The following ERC2 variants were observed in gnomAD, a reference collection of about 807,000 sequenced individuals.
ERC2 encodes the protein ERC protein 2.
A neutral mutation model predicts 114.8 loss-of-function variants in ERC2; 42 were observed. The observed-to-expected ratio is 0.37, with a 90% CI of 0.29 to 0.47. The LOEUF (loss-of-function observed/expected upper bound fraction) is 0.47, where lower values mean the gene tolerates loss of function less well. ERC2 is among the 20% of genes least tolerant of loss of function. The probability of loss-of-function intolerance (pLI) is 0.99; values close to 1 mark genes in which losing one functional copy is unlikely to be tolerated. For synonymous variants in ERC2, 454 were observed against 425.5 expected (o/e 1.07, Z -0.82); for missense variants, 939 against 1,150.7 (o/e 0.82, Z 2.66).
At chr3:56,413,794 A>G (rs527942558) in intron 2 of ERC2, among the ~76,000 whole-genome samples, 32 of 152,366 alleles carry the variant, frequency 2.1e-4, no homozygotes, top group African/African-American at 7.7e-4. Context: ...AAGAATAACA[A>G]GAACATGAAA....
chr3:56,456,801 T>C (rs1410049319), intron 1 of ERC2, among the ~76,000 whole-genome samples: 2 of 152,192 alleles, frequency 1.3e-5, no homozygotes, highest in Non-Finnish European at 2.9e-5. Flanking sequence ...GTTGTACAAA[T>C]ATGGTGATGC....
At chr3:55,975,819 C>A (rs1369864138) in intron 12 of ERC2, among the ~76,000 whole-genome samples, 1 of 152,128 alleles carries the variant, frequency 6.6e-6, no homozygotes. Flanking sequence ...TCTGAGCATG[C>A]CTTCTATCTT....
chr3:56,150,709 T>C (rs1438134458), intron 4 of ERC2, among the ~76,000 whole-genome samples: 1 of 152,208 alleles, frequency 6.6e-6, no homozygotes, highest in African/African-American at 2.4e-5. Flanking sequence ...TTCATGTATA[T>C]TCTGCCAGTA....
At chr3:56,168,890 T>C (rs571141177) in intron 4 of ERC2, among the ~76,000 whole-genome samples, 7 of 152,284 alleles carry the variant, frequency 4.6e-5, no homozygotes, top group African/African-American at 1.7e-4. Context: ...CTTTCACCAA[T>C]AGTACCACTT....
chr3:56,313,898 A>G (rs1301479725), intron 2 of ERC2, among the ~76,000 whole-genome samples: 1 of 152,220 alleles, frequency 6.6e-6, no homozygotes. Flanking sequence ...AATATAAATG[A>G]TATGACAGTG....
chr3:56,141,679 T>G (rs1183134901), intron 5 of ERC2, among the ~76,000 whole-genome samples: 1 of 152,204 alleles, frequency 6.6e-6, no homozygotes, highest in Non-Finnish European at 1.5e-5. Flanking sequence ...TTACCAAACA[T>G]TTTTTTCTAT....
At chr3:55,631,077 T>A (rs2059737372) in intron 17 of ERC2, among the ~76,000 whole-genome samples, 1 of 152,132 alleles carries the variant, frequency 6.6e-6, no homozygotes, top group Admixed American at 6.5e-5. Context: ...CCCTAGTTTC[T>A]GTTAAGTAAG....
chr3:56,320,573 A>G (rs1173774411), intron 2 of ERC2, among the ~76,000 whole-genome samples: 1 of 152,200 alleles, frequency 6.6e-6, no homozygotes, highest in Admixed American at 6.5e-5. Flanking sequence ...GGCAAACACT[A>G]AAAAACAGGA....
intron 10 of ERC2, among the ~76,000 whole-genome samples, chr3:55,997,950 G>C: frequency 1.6e-5 from 1 of 62,748 alleles, no homozygotes; most frequent in Non-Finnish European, 3.0e-5. Context: ...TTTTTTGGTA[G>C]AGATGGGGTT....
At chr3:56,411,945 C>T (rs1559465829) in intron 2 of ERC2, among the ~76,000 whole-genome samples, 1 of 152,092 alleles carries the variant, frequency 6.6e-6, no homozygotes, top group Non-Finnish European at 1.5e-5. Flanking sequence ...GAATACTGGC[C>T]CCAAAAAGCA....
chr3:56,020,969 G>A (rs2073675522), intron 7 of ERC2, among the ~76,000 whole-genome samples: 1 of 152,102 alleles, frequency 6.6e-6, no homozygotes, highest in Non-Finnish European at 1.5e-5. Flanking sequence ...GAAGAAATAG[G>A]GATGGTGGAG....
intron 13 of ERC2, among the ~76,000 whole-genome samples, chr3:55,943,053 CCT>C (rs1342890960): frequency 1.3e-5 from 2 of 152,132 alleles, no homozygotes; most frequent in Non-Finnish European, 2.9e-5. Context: ...CAGGTGCCCC[CCT>C]GACTAACCTC....
intron 13 of ERC2, among the ~76,000 whole-genome samples, chr3:55,939,644 C>T (rs1340755407): frequency 6.6e-6 from 1 of 152,212 alleles, no homozygotes; most frequent in African/African-American, 2.4e-5. Flanking sequence ...TATCAACCCT[C>T]TTTTAGTCAA....
At chr3:55,564,260 C>A (rs2056223306) in intron 17 of ERC2, among the ~76,000 whole-genome samples, 1 of 152,088 alleles carries the variant, frequency 6.6e-6, no homozygotes, top group Non-Finnish European at 1.5e-5. Context: ...TGAACAAAGT[C>A]TAGAGGAAAT....
At chr3:56,334,836 ACT>A (rs2057780651) in intron 2 of ERC2, among the ~76,000 whole-genome samples, 1 of 152,046 alleles carries the variant, frequency 6.6e-6, no homozygotes, top group African/African-American at 2.4e-5. Context: ...ACAGAGTCTC[ACT>A]CTGTCACCCA....
intron 2 of ERC2, among the ~76,000 whole-genome samples, chr3:56,393,771 C>T (rs1471391707): frequency 6.6e-6 from 1 of 152,084 alleles, no homozygotes; most frequent in Non-Finnish European, 1.5e-5. Flanking sequence ...CCAAATCAAA[C>T]ATGAGCCAGC....
intron 3 of ERC2, among the ~76,000 whole-genome samples, chr3:56,237,106 C>T (rs1008018747): frequency 6.6e-6 from 1 of 152,124 alleles, no homozygotes; most frequent in African/African-American, 2.4e-5. Context: ...TCCTTTAGAC[C>T]AATAAGATTT....
intron 14 of ERC2, among the ~76,000 whole-genome samples, chr3:55,813,294 A>G (rs78936699): frequency 0.022 from 3,403 of 152,318 alleles, 141 homozygotes; most frequent in African/African-American, 0.077. Context: ...ATTAATTAAA[A>G]TTGAATAAAA....
chr3:55,821,400 T>C (rs9820522), intron 14 of ERC2, among the ~76,000 whole-genome samples: 14,684 of 152,268 alleles, frequency 0.096, 1,175 homozygotes, highest in African/African-American at 0.22. Context: ...TGAGAATCGC[T>C]AGATGTGAAG....
Sources: gnomAD v4.1 joint callset for allele counts (sites outside exome capture counted in the v4.1 genomes callset) on GRCh38, gnomAD v4.1.1 for gene constraint, MANE v1.5 for transcripts, NCBI Gene and HGNC (gene_info 2026-07-23, HGNC 2026-07-21) for gene names.